The following HAS2 variants were observed in gnomAD, a reference collection of about 807,000 sequenced individuals.
HAS2 encodes the protein hyaluronan synthase 2, also known as HA synthase 2.
HAS2 carries 16 observed loss-of-function variants against 51.6 expected under a neutral mutation model. The ratio of observed to expected loss-of-function variants is 0.31; its 90% CI spans 0.21 to 0.47. The LOEUF (loss-of-function observed/expected upper bound fraction) is 0.47, where lower values mean the gene tolerates loss of function less well. Ranked by LOEUF, HAS2 falls within the 20% of genes least tolerant of loss-of-function variation. HAS2 has a pLI of 1.00. For missense variants in HAS2, 361 were observed against 662.6 expected, an observed-to-expected ratio of 0.54 and a Z score of 5.00; for synonymous variants, 228 against 235.5, an observed-to-expected ratio of 0.97 and a Z score of 0.29.
intron 2 of HAS2, among the ~76,000 whole-genome samples, chr8:121,619,684 C>G (rs1812750056): frequency 6.6e-6 from 1 of 152,142 alleles, no homozygotes. Flanking sequence ...CTCTCCCATG[C>G]CCTGTCTATC....
chr8:121,641,158 C>CTTTCTTT lies in HAS2; in HGVS notation c.-307_-306insAAAGAAA, dbSNP rs1554597329. ...TAACTTTTCTTTTTTCTTTTCTTTT[C>CTTTCTTT]TTTTTTTTTTTTTTTTTTTTTTGGG... On this transcript the variant is annotated 5_prime_UTR_variant, in exon 1 of 4. Coordinates refer to ENST00000303924, the MANE Select transcript of HAS2 (RefSeq NM_005328.3). The CTTTCTTT allele has an allele frequency of 3.3e-4, 19 of 57,010 alleles. No individual in the cohort carries two copies. Among genetic ancestry groups the CTTTCTTT allele is most frequent in the African/African-American group, 6.0e-4 (9 of 14,904 alleles). The allele number at this position is 57,010 out of a possible 1,614,324, so 3.5% of individuals were successfully genotyped here.
Position 121,614,451 on chromosome 8 carries a change from G to A in HAS2, c.1317C>T (p.Tyr439=), listed in dbSNP as rs183061537. The A allele has an allele frequency of 1.1e-5, 18 of 1,614,008 alleles. No individual in the cohort carries two copies. The East Asian group carries it at 3.3e-4, about 30-fold the overall frequency. ...GNIVMVFMSL[Y]SVLYMSSLLP... Reference sequence around the variant, plus strand: ...GTAAACTCGACATGTATAACACTGAGTAGAGAGACATGAAGACCATGACGA... The same window carrying A: ...GTAAACTCGACATGTATAACACTGAATAGAGAGACATGAAGACCATGACGA... The change falls in exon 4 of 4, where the codon TAC becomes TAT. Residue 439 remains tyrosine, a synonymous_variant. Coordinates refer to ENST00000303924, the MANE Select transcript of HAS2 (RefSeq NM_005328.3). The surrounding 1 kb of genome is among the most constrained non-coding windows in gnomAD (Gnocchi z 7.2).
At chr8:121,615,439 T>C (rs1383576501) in intron 3 of HAS2, among the ~76,000 whole-genome samples, 2 of 152,102 alleles carry the variant, frequency 1.3e-5, no homozygotes, top group Admixed American at 1.3e-4. Flanking sequence ...CTGGTTCAAA[T>C]GATTCTCCTG....
At chr8:121,616,160 T>C (rs902298376) in intron 3 of HAS2, among the ~76,000 whole-genome samples, 1 of 152,222 alleles carries the variant, frequency 6.6e-6, no homozygotes, top group African/African-American at 2.4e-5. Flanking sequence ...TTTTCACATA[T>C]ACATTTTTCC....
At chr8:121,637,537 G>C (rs571620307) in intron 1 of HAS2, among the ~76,000 whole-genome samples, 1 of 151,656 alleles carries the variant, frequency 6.6e-6, no homozygotes, top group African/African-American at 2.4e-5. Flanking sequence ...ATTACAGGTG[G>C]CCACCACCAC....
At chr8:121,626,708 T>C (rs113271451) in intron 2 of HAS2, among the ~76,000 whole-genome samples, 109 of 152,270 alleles carry the variant, frequency 7.2e-4, no homozygotes, top group African/African-American at 2.5e-3. Context: ...CCTTAGGAAA[T>C]TGCCATTTTT....
At position 121,629,216 on chromosome 8, in the gene HAS2, T is replaced by C; in HGVS notation, c.125A>G (p.Tyr42Cys). 1 of 1,614,082 alleles carries C rather than the reference T, an allele frequency of 6.2e-7. No individual in the cohort carries two copies. ...ACCATACAGTCCAAAAGAGAAATAG[T>C]AATTATCCGTTTGGATAAACTGGTA... Reference protein sequence around the residue: ...VGYQFIQTDNYYFSFGLYGAF... With the variant: ...VGYQFIQTDNCYFSFGLYGAF... Residue 42 changes from tyrosine (Y) to cysteine (C), a missense_variant, in exon 2 of 4, where the codon TAC becomes TGC. Coordinates refer to ENST00000303924, the MANE Select transcript of HAS2 (RefSeq NM_005328.3).
At chr8:121,631,668 G>A (rs4618701) in intron 1 of HAS2, among the ~76,000 whole-genome samples, 45,706 of 151,998 alleles carry the variant, frequency 0.3, 7,187 homozygotes, top group Middle Eastern at 0.39. Flanking sequence ...AGGCAAGTAC[G>A]GCATCTCTTG....
chr8:121,622,968 C>T (rs896064859), intron 2 of HAS2, among the ~76,000 whole-genome samples: 26 of 151,624 alleles, frequency 1.7e-4, no homozygotes, highest in Non-Finnish European at 3.4e-4. Context: ...AAAAATAGTC[C>T]TCAATGAAAA....
chr8:121,641,153 C>CTTT lies in HAS2; in HGVS notation c.-304_-302dup, dbSNP rs1209985524. ...TAAATTAACTTTTCTTTTTTCTTTT[C>CTTT]TTTTCTTTTTTTTTTTTTTTTTTTT... On this transcript the variant is annotated 5_prime_UTR_variant, in exon 1 of 4. Transcript: ENST00000303924. 4 of 44,584 alleles carry CTTT rather than the reference C, an allele frequency of 9.0e-5. No individual in the cohort carries two copies. Among genetic ancestry groups the CTTT allele is most frequent in the Non-Finnish European group, 1.6e-4 (4 of 25,620 alleles). The allele number at this position is 44,584 out of a possible 1,614,324, so 2.8% of individuals were successfully genotyped here.
intron 2 of HAS2, among the ~76,000 whole-genome samples, chr8:121,623,203 G>A (rs1812797003): frequency 6.6e-6 from 1 of 152,060 alleles, no homozygotes; most frequent in Non-Finnish European, 1.5e-5. Context: ...AATAATTCCT[G>A]CCTTCAGACA....
At chr8:121,626,231 T>G (rs1812850298) in intron 2 of HAS2, among the ~76,000 whole-genome samples, 1 of 152,166 alleles carries the variant, frequency 6.6e-6, no homozygotes, top group African/African-American at 2.4e-5. Context: ...GACTTTCTCT[T>G]TAGTAGGAGG....
Position 121,613,696 on chromosome 8 carries a change from TAA to T in HAS2, c.*411_*412del. The T allele has an allele frequency of 4.5e-5, 7 of 156,118 alleles. No individual in the cohort carries two copies. The highest frequency in any genetic ancestry group is 3.5e-4 in the East Asian group (2 of 5,642). The allele number at this position is 156,118 out of a possible 1,614,324, so 9.7% of individuals were successfully genotyped here. A position where few individuals can be genotyped will look rare whatever the true frequency, so the allele number is the denominator to read the frequency against. On this transcript the variant is annotated 3_prime_UTR_variant, in exon 4 of 4. Coordinates refer to ENST00000303924, the MANE Select transcript of HAS2 (RefSeq NM_005328.3). ...GTAAAGTTAAAAAGAAAATCCTTCC[TAA>T]AAAAAAAAAATTATCATCTATCAAA...
rs555877398 is a variant in HAS2, at chr8:121,628,832, T to C, written c.509A>G (p.His170Arg). 9.4e-5 allele frequency: 151 copies of C among 1,614,176 alleles called. 1 individual carries two copies. The South Asian group carries it at 1.4e-3, about 15-fold the overall frequency. ...GTTGGACAAGACCAATTGCGTTACGTGTTGCGAGCTTTCTTTATGTGACTC... is the reference window on the plus strand; with the variant it reads ...GTTGGACAAGACCAATTGCGTTACGCGTTGCGAGCTTTCTTTATGTGACTC... The part of the protein sequence containing the change: ...TDESHKESSQ[H>R]VTQLVLSNKS... Residue 170 changes from histidine to arginine, a missense_variant, in exon 2 of 4, where the codon CAC (histidine) becomes CGC (arginine). This residue lies in a region of HAS2 where 145 missense variants were observed against 217.6 expected (regional missense o/e 0.67). Transcript: ENST00000303924.
intron 1 of HAS2, among the ~76,000 whole-genome samples, chr8:121,633,463 G>A (rs1357563045): frequency 6.6e-6 from 1 of 152,086 alleles, no homozygotes; most frequent in Non-Finnish European, 1.5e-5. Context: ...TTTCCCTACT[G>A]TTATAGAAAA....
intron 1 of HAS2, among the ~76,000 whole-genome samples, chr8:121,637,239 G>A (rs1408103963): frequency 6.6e-6 from 1 of 151,796 alleles, no homozygotes; most frequent in Non-Finnish European, 1.5e-5. Flanking sequence ...CAGTTAAGAG[G>A]CATTCATTAA....
intron 2 of HAS2, among the ~76,000 whole-genome samples, chr8:121,623,587 G>A (rs1812804024): frequency 6.6e-6 from 1 of 152,176 alleles, no homozygotes; most frequent in Admixed American, 6.5e-5. Context: ...TGCTCTAGCA[G>A]AGCTTCAGTA....
At chr8:121,639,201 A>C (rs1028418261) in intron 1 of HAS2, 1 of 152,186 alleles carries the variant, frequency 6.6e-6, no homozygotes, top group African/African-American at 2.4e-5. Flanking sequence ...CTGATGGTCT[A>C]TATATACTCA....
chr8:121,624,820 G>A (rs947498792), intron 2 of HAS2, among the ~76,000 whole-genome samples: 1 of 152,182 alleles, frequency 6.6e-6, no homozygotes, highest in Non-Finnish European at 1.5e-5. Flanking sequence ...ATCCGGCTGG[G>A]CGCAGTGGCT....
Sources: gnomAD v4.1 joint callset for allele counts (sites outside exome capture counted in the v4.1 genomes callset) on GRCh38, gnomAD v4.1.1 for gene constraint, gnomAD v4.1.1 regional missense constraint, Gnocchi (gnomAD v3.1) non-coding constraint, MANE v1.5 for transcripts, NCBI Gene and HGNC (gene_info 2026-07-23, HGNC 2026-07-21) for gene names.